The following TP53BP2 variants were observed in gnomAD, a reference collection of about 807,000 sequenced individuals.
The protein encoded by TP53BP2 is apoptosis-stimulating of p53 protein 2.
A neutral mutation model predicts 126.2 loss-of-function variants in TP53BP2; 62 were observed. That is an observed-to-expected ratio of 0.49 (90% CI 0.40 to 0.61). The LOEUF is 0.61. Ranked by LOEUF, TP53BP2 falls within the 20% of genes least tolerant of loss-of-function variation. The probability of loss-of-function intolerance (pLI) is 0.00; values close to 1 mark genes in which losing one functional copy is unlikely to be tolerated. For synonymous variants in TP53BP2, 485 were observed against 502.9 expected (o/e 0.96, Z 0.48); for missense variants, 1,215 against 1,402.8 (o/e 0.87, Z 2.14).
At chr1:223,781,409 A>G (rs964549956) in intron 17 of TP53BP2, among the ~76,000 whole-genome samples, 3 of 152,230 alleles carry the variant, frequency 2.0e-5, no homozygotes, top group Non-Finnish European at 2.9e-5. Flanking sequence ...GATTAGGTGG[A>G]GTTTTTTGCT....
rs1425375261 is a variant in TP53BP2 at position 223,795,824 on chromosome 1, A to G, written c.2715T>C (p.Ser905=). ...MRPPEITGQV[S]LPPGKRTNLR... is the part of the protein sequence containing the mutation. ...ATAGTACATTACTTACAGGAGGCAGAGAGACCTGCCCGGTGATTTCAGGCG... is the reference window on the plus strand; with the variant it reads ...ATAGTACATTACTTACAGGAGGCAGGGAGACCTGCCCGGTGATTTCAGGCG... The change falls in exon 13 of 18, where the codon TCT becomes TCC. Residue 905 remains serine, a synonymous_variant. Transcript: ENST00000343537. 1 of 1,538,360 alleles carries G rather than the reference A, an allele frequency of 6.5e-7. No individual in the cohort carries two copies. The highest frequency in any genetic ancestry group is 2.1e-5 in the Admixed American group (1 of 46,914).
chr1:223,784,587 C>A (rs1661885453), intron 16 of TP53BP2, among the ~76,000 whole-genome samples: 1 of 152,120 alleles, frequency 6.6e-6, no homozygotes, highest in Non-Finnish European at 1.5e-5. Context: ...CTTAAAGGAG[C>A]TACTCAGAGT....
Position 223,802,360 on chromosome 1 carries a change from C to T in TP53BP2, c.997-16G>A, listed in dbSNP as rs200309574. ...CAGATGAAACCTTAGGAAAGAAGCA[C>T]AGGTCCTTTAGTATTAAAAATCATC... On this transcript the variant is annotated splice_polypyrimidine_tract_variant and intron_variant, in intron 8 of 17. Transcript: ENST00000343537. 66 of 1,609,060 alleles carry T rather than the reference C, an allele frequency of 4.1e-5. No individual in the cohort carries two copies. The Admixed American group carries it at 5.9e-4, about 14-fold the overall frequency.
intron 2 of TP53BP2, among the ~76,000 whole-genome samples, chr1:223,815,255 A>G (rs952063386): frequency 6.6e-6 from 1 of 152,250 alleles, no homozygotes; most frequent in Non-Finnish European, 1.5e-5. Flanking sequence ...TCACCAGCCA[A>G]TTTGGTGAAC....
chr1:223,788,667 T>C lies in TP53BP2; in HGVS notation c.3163+341A>G, dbSNP rs140149136. On this transcript the variant is annotated intron_variant, in intron 16 of 17. Coordinates refer to ENST00000343537, the MANE Select transcript of TP53BP2 (RefSeq NM_001031685.3). ...CCTTCACTTCTCTTGATCATGTTGTTAGGAGAGGGGGGTCTGTTTACTTAT... is the reference window on the plus strand; with the variant it reads ...CCTTCACTTCTCTTGATCATGTTGTCAGGAGAGGGGGGTCTGTTTACTTAT... Among the ~76,000 whole-genome samples the C allele has an allele frequency of 6.7e-3, 1,018 of 152,308 alleles. 9 individuals are homozygous for C. Among genetic ancestry groups the C allele is most frequent in the Middle Eastern group, 0.031 (9 of 294 alleles).
At chr1:223,786,581 CGTGT>C (rs61533251) in intron 16 of TP53BP2, among the ~76,000 whole-genome samples, 170 of 144,584 alleles carry the variant, frequency 1.2e-3, no homozygotes, top group East Asian at 6.5e-3. Flanking sequence ...TGCGTGTGTG[CGTGT>C]GTGTGTGTGT....
Position 223,802,235 on chromosome 1 carries a change from G to A in TP53BP2, c.1106C>T (p.Pro369Leu). ...SSTMPRMPSR[P>L]ELLVKPALPD... ...CAGGGCTGGCTTCACCAGCAATTCA[G>A]GCCTTGAGGGCATCCGAGGCATAGT... The change falls in exon 9 of 18, where the codon CCT (proline) becomes CTT (leucine). Residue 369 changes from proline (P) to leucine (L), a missense_variant. Pro to Leu is a moderately conservative substitution (Grantham distance 98). Transcript: ENST00000343537. 6.2e-7 allele frequency: 1 copy of A among 1,614,222 alleles called. No individual in the cohort carries two copies. The highest frequency in any genetic ancestry group is 8.5e-7 in the Non-Finnish European group (1 of 1,180,038).
Position 223,821,202 on chromosome 1 carries a change from G to A in TP53BP2, c.175+18C>T, listed in dbSNP as rs779563763. On this transcript the variant is annotated intron_variant, in intron 2 of 17. Coordinates refer to ENST00000343537, the MANE Select transcript of TP53BP2 (RefSeq NM_001031685.3). The stretch of plus-strand genomic sequence containing the variant: ...GAAGACAGAAGAACTAAAGCACGAG[G>A]CTGTCAGCGTCTCTCACCAGAGCCA... 9 of 1,613,908 alleles carry A rather than the reference G, an allele frequency of 5.6e-6. No homozygotes were observed. Among genetic ancestry groups the A allele is most frequent in the Middle Eastern group, 1.7e-4 (1 of 6,032 alleles).
intron 1 of TP53BP2, among the ~76,000 whole-genome samples, chr1:223,823,153 G>C (rs949596723): frequency 6.6e-6 from 1 of 152,260 alleles, no homozygotes; most frequent in South Asian, 2.1e-4. Context: ...AATGACAGGA[G>C]GACATCACAC....
chr1:223,842,764 G>C (rs566364145), intron 1 of TP53BP2, among the ~76,000 whole-genome samples: 2 of 152,286 alleles, frequency 1.3e-5, no homozygotes, highest in Admixed American at 6.5e-5. Flanking sequence ...AAACGACTAA[G>C]AATTTTTGCT....
chr1:223,797,482 G>A (rs1331740242), intron 12 of TP53BP2, among the ~76,000 whole-genome samples: 1 of 151,440 alleles, frequency 6.6e-6, no homozygotes, highest in Non-Finnish European at 1.5e-5. Context: ...GCACCATCTC[G>A]GCTCACTGCA....
rs1663510272 is a variant in TP53BP2, at chr1:223,826,752, T to C, written c.28-5385A>G. Among the ~76,000 whole-genome samples the C allele has an allele frequency of 2.0e-5, 3 of 152,144 alleles. No individual in the cohort carries two copies. In the South Asian group the frequency reaches 6.2e-4, roughly 31 times the overall value. ...GGATTTTGAACGGGGTAGCTATTTA[T>C]GCCCTTAAAAAAAATCACTATATGA... On this transcript the variant is annotated intron_variant, in intron 1 of 17. Coordinates refer to ENST00000343537, the MANE Select transcript of TP53BP2 (RefSeq NM_001031685.3).
chr1:223,845,513 G>A, intron 1 of TP53BP2, 141 bp downstream of exon 1: 1 of 965,212 alleles, frequency 1.0e-6, no homozygotes, highest in Non-Finnish European at 1.4e-6. Flanking sequence ...AAACCCGCTC[G>A]AAGCTCGGAA....
chr1:223,845,205 C>G, intron 1 of TP53BP2: 3 of 981,710 alleles, frequency 3.1e-6, no homozygotes, highest in South Asian at 4.7e-5. Context: ...ATATCAAGAT[C>G]GAAATTCAAT....
intron 1 of TP53BP2, among the ~76,000 whole-genome samples, chr1:223,827,970 G>A (rs548485376): frequency 3.3e-5 from 5 of 151,984 alleles, no homozygotes; most frequent in Non-Finnish European, 7.4e-5. Flanking sequence ...TGAATTTTCT[G>A]TCTAATAAAA....
At chr1:223,795,483 T>C (rs1008491919) in intron 13 of TP53BP2, among the ~76,000 whole-genome samples, 3 of 152,222 alleles carry the variant, frequency 2.0e-5, no homozygotes, top group African/African-American at 7.2e-5. Context: ...GCTAAGCTAG[T>C]AATCAAAAGT....
At chr1:223,821,667 T>C (rs1337935136) in intron 1 of TP53BP2, among the ~76,000 whole-genome samples, 3 of 152,200 alleles carry the variant, frequency 2.0e-5, no homozygotes, top group African/African-American at 7.2e-5. Context: ...TACTTATATA[T>C]GCTGGACCCA....
intron 4 of TP53BP2, among the ~76,000 whole-genome samples, chr1:223,809,542 G>A (rs57108544): frequency 0.031 from 4,702 of 151,884 alleles, 244 homozygotes; most frequent in African/African-American, 0.11. Flanking sequence ...ACTCCAGCCT[G>A]GGCAACAGAA....
intron 6 of TP53BP2, among the ~76,000 whole-genome samples, chr1:223,803,727 T>C (rs1007323290): frequency 6.6e-6 from 1 of 152,214 alleles, no homozygotes; most frequent in African/African-American, 2.4e-5. Flanking sequence ...CTTTAGAACT[T>C]TCAATTTTAT....
Sources: gnomAD v4.1 joint callset for allele counts (sites outside exome capture counted in the v4.1 genomes callset) on GRCh38, gnomAD v4.1.1 for gene constraint, MANE v1.5 for transcripts, NCBI Gene and HGNC (gene_info 2026-07-23, HGNC 2026-07-21) for gene names.